Variants in NCMAP observed in about 807,000 individuals in gnomAD.
The protein encoded by NCMAP is non-compact myelin associated protein.
A neutral mutation model predicts 7.8 loss-of-function variants in NCMAP; 8 were observed. The observed-to-expected ratio is 1.02, with a 90% CI of 0.60 to 1.84. The LOEUF is 1.84. NCMAP is among the 40% of genes most tolerant of loss of function. The pLI is 0.00. For missense variants in NCMAP, 112 were observed against 131.4 expected (o/e 0.85, Z 0.72); for synonymous variants, 41 against 52.9 (o/e 0.78, Z 0.98).
intron 1 of NCMAP, among the ~76,000 whole-genome samples, chr1:24,568,769 A>G (rs973299251): frequency 6.6e-6 from 1 of 152,088 alleles, no homozygotes; most frequent in Non-Finnish European, 1.5e-5. Context: ...TAATAAACTG[A>G]ATCCCATAAT....
Position 24,601,038 on chromosome 1 carries a change from G to A in NCMAP, c.167+14G>A. The A allele has an allele frequency of 1.9e-6, 3 of 1,612,344 alleles. No homozygotes were observed. The highest frequency in any genetic ancestry group is 1.7e-6 in the Non-Finnish European group (2 of 1,178,454). On this transcript the variant is annotated intron_variant, in intron 3 of 3. Transcript: ENST00000374392. ...GATGTACAACAGGTACGGATGCCCT[G>A]GGCTTTGGAACTGCCTGGACGGTCC...
intron 1 of NCMAP, among the ~76,000 whole-genome samples, chr1:24,578,560 CTTTTTTTTTT>C (rs555342098): frequency 1.9e-5 from 2 of 107,378 alleles, no homozygotes; most frequent in Non-Finnish European, 1.8e-5. Flanking sequence ...TTCTTTCTTT[CTTTTTTTTTT>C]TTTTTTTTTT....
intron 1 of NCMAP, among the ~76,000 whole-genome samples, chr1:24,582,804 G>A (rs1651780447): frequency 6.8e-6 from 1 of 147,446 alleles, no homozygotes; most frequent in Non-Finnish European, 1.5e-5. Flanking sequence ...AGCAGCAATA[G>A]GAAACGTATA....
intron 1 of NCMAP, among the ~76,000 whole-genome samples, chr1:24,593,445 A>T (rs1652111032): frequency 6.6e-6 from 1 of 152,152 alleles, no homozygotes; most frequent in African/African-American, 2.4e-5. Flanking sequence ...GTGAGCTATG[A>T]TTACATCACT....
chr1:24,588,341 G>A (rs139106781), intron 1 of NCMAP, among the ~76,000 whole-genome samples: 1 of 152,172 alleles, frequency 6.6e-6, no homozygotes, highest in Admixed American at 6.6e-5. Flanking sequence ...ATCAAGTCCT[G>A]CTGAATCTCC....
intron 1 of NCMAP, among the ~76,000 whole-genome samples, chr1:24,558,921 G>T (rs1650976102): frequency 6.6e-6 from 1 of 151,658 alleles, no homozygotes; most frequent in South Asian, 2.1e-4. Flanking sequence ...AGAAAAGAAA[G>T]GTAAAGTGGA....
At chr1:24,566,465 T>G (rs1419854028) in intron 1 of NCMAP, among the ~76,000 whole-genome samples, 6 of 152,032 alleles carry the variant, frequency 3.9e-5, no homozygotes, top group African/African-American at 1.4e-4. Flanking sequence ...GAAGCACTGG[T>G]GGGTTTTGGA....
chr1:24,596,016 T>G (rs1570536487), intron 2 of NCMAP, among the ~76,000 whole-genome samples: 1 of 152,100 alleles, frequency 6.6e-6, no homozygotes, highest in Non-Finnish European at 1.5e-5. Context: ...GTGTGGTGGC[T>G]CACACCTTTA....
At chr1:24,585,916 T>C (rs1651867759) in intron 1 of NCMAP, among the ~76,000 whole-genome samples, 1 of 152,206 alleles carries the variant, frequency 6.6e-6, no homozygotes, top group Non-Finnish European at 1.5e-5. Context: ...TCCCTGTTTA[T>C]ACCTGAGTTT....
chr1:24,574,529 C>T (rs577101398), intron 1 of NCMAP, among the ~76,000 whole-genome samples: 23 of 152,286 alleles, frequency 1.5e-4, no homozygotes, highest in African/African-American at 4.8e-4. Flanking sequence ...AGCCTGTCAC[C>T]GGACTTCGCA....
chr1:24,568,035 G>C (rs1248403883), intron 1 of NCMAP, among the ~76,000 whole-genome samples: 2 of 151,980 alleles, frequency 1.3e-5, no homozygotes, highest in Non-Finnish European at 2.9e-5. Flanking sequence ...GTGACCGCTC[G>C]TCACCTAATT....
At chr1:24,601,627 C>T (rs55852544) in intron 3 of NCMAP, among the ~76,000 whole-genome samples, 5,336 of 152,056 alleles carry the variant, frequency 0.035, 147 homozygotes, top group Middle Eastern at 0.11. Flanking sequence ...GTATCGTGGC[C>T]GGGTGTGGTA....
intron 2 of NCMAP, among the ~76,000 whole-genome samples, chr1:24,600,417 G>A (rs1418164595): frequency 6.6e-6 from 1 of 152,096 alleles, no homozygotes. Flanking sequence ...TCCTCTCAAA[G>A]TACTGGAATT....
intron 1 of NCMAP, among the ~76,000 whole-genome samples, chr1:24,557,569 G>A (rs887437729): frequency 1.3e-5 from 2 of 152,158 alleles, no homozygotes; most frequent in Non-Finnish European, 2.9e-5. Flanking sequence ...TCAGCCCGTG[G>A]GAGTGGATGA....
chr1:24,589,315 G>A (rs1651978316), intron 1 of NCMAP: 1 of 152,076 alleles, frequency 6.6e-6, no homozygotes, highest in Non-Finnish European at 1.5e-5. Flanking sequence ...TGCTCCTGCT[G>A]GCCCTCACTT....
chr1:24,593,931 G>A (rs888595390), intron 1 of NCMAP, among the ~76,000 whole-genome samples: 10 of 150,742 alleles, frequency 6.6e-5, no homozygotes, highest in Admixed American at 2.6e-4. Context: ...TGACTCTGTC[G>A]CCCAGGCTGA....
At chr1:24,557,902 G>A (rs1399606682) in intron 1 of NCMAP, among the ~76,000 whole-genome samples, 1 of 152,194 alleles carries the variant, frequency 6.6e-6, no homozygotes, top group East Asian at 1.9e-4. Flanking sequence ...GGAATCTAGT[G>A]TAGTGGTTTC....
chr1:24,583,575 G>A (rs1249098015), intron 1 of NCMAP, among the ~76,000 whole-genome samples: 2 of 152,126 alleles, frequency 1.3e-5, no homozygotes, highest in South Asian at 4.1e-4. Context: ...AATTAGCTAG[G>A]TGTGGTGGCG....
chr1:24,564,688 T>C (rs1013449932), intron 1 of NCMAP, among the ~76,000 whole-genome samples: 1 of 151,996 alleles, frequency 6.6e-6, no homozygotes, highest in Non-Finnish European at 1.5e-5. Flanking sequence ...AAAGAGCTCA[T>C]AGAGTAACCA....
Sources: gnomAD v4.1 joint callset for allele counts (sites outside exome capture counted in the v4.1 genomes callset) on GRCh38, gnomAD v4.1.1 for gene constraint, MANE v1.5 for transcripts, NCBI Gene and HGNC (gene_info 2026-07-23, HGNC 2026-07-21) for gene names.